Variants in NXPH1 observed in about 807,000 individuals in gnomAD.
NXPH1 encodes the protein neurexophilin-1.
A neutral mutation model predicts 23.7 loss-of-function variants in NXPH1; 5 were observed. That is an observed-to-expected ratio of 0.21 (90% CI 0.11 to 0.44). The LOEUF (loss-of-function observed/expected upper bound fraction) is 0.44. Ranked by LOEUF, NXPH1 falls within the 20% of genes least tolerant of loss-of-function variation. NXPH1 has a pLI of 0.99. For missense variants in NXPH1, 324 were observed against 321.6 expected, an observed-to-expected ratio of 1.01 and a Z score of -0.06; for synonymous variants, 144 against 122.2, an observed-to-expected ratio of 1.18 and a Z score of -1.18.
chr7:8,592,741 A>G (rs1819125342), intron 2 of NXPH1, among the ~76,000 whole-genome samples: 1 of 152,036 alleles, frequency 6.6e-6, no homozygotes, highest in South Asian at 2.1e-4. Flanking sequence ...ATGTTAATAA[A>G]TAGGTGTGGC....
chr7:8,735,575 C>A (rs940087759), intron 2 of NXPH1, among the ~76,000 whole-genome samples: 1 of 152,146 alleles, frequency 6.6e-6, no homozygotes, highest in Non-Finnish European at 1.5e-5. Flanking sequence ...TGATGTTCAT[C>A]AGGGATATTG....
chr7:8,513,813 T>C (rs1317282187), intron 2 of NXPH1, among the ~76,000 whole-genome samples: 1 of 152,072 alleles, frequency 6.6e-6, no homozygotes, highest in Non-Finnish European at 1.5e-5. Flanking sequence ...ATTCGTTTTC[T>C]AGGGCTGCCG....
chr7:8,727,518 G>A (rs1780076994), intron 2 of NXPH1, among the ~76,000 whole-genome samples: 1 of 151,300 alleles, frequency 6.6e-6, no homozygotes, highest in Admixed American at 6.6e-5. Flanking sequence ...TTTTGTATAA[G>A]GTGTAAGGAA....
intron 2 of NXPH1, among the ~76,000 whole-genome samples, chr7:8,659,515 A>G (rs1820636180): frequency 6.6e-6 from 1 of 152,154 alleles, no homozygotes; most frequent in African/African-American, 2.4e-5. Flanking sequence ...TCTCACTCAT[A>G]GGTGGGAATT....
intron 2 of NXPH1, among the ~76,000 whole-genome samples, chr7:8,559,972 G>A (rs572418421): frequency 5.9e-5 from 9 of 151,764 alleles, no homozygotes; most frequent in South Asian, 2.1e-4. Flanking sequence ...CCATGAAGTC[G>A]GGAGAGAAGA....
intron 2 of NXPH1, among the ~76,000 whole-genome samples, chr7:8,694,877 A>G (rs1054412248): frequency 3.2e-4 from 49 of 152,222 alleles, no homozygotes; most frequent in African/African-American, 1.1e-3. Context: ...TAACTGTTAA[A>G]TTAAGTTTAA....
intron 2 of NXPH1, among the ~76,000 whole-genome samples, chr7:8,703,327 T>G (rs895011067): frequency 6.6e-6 from 1 of 152,098 alleles, no homozygotes; most frequent in Non-Finnish European, 1.5e-5. Context: ...ACTTTAGTGT[T>G]CCATTCATGC....
Position 8,454,102 on chromosome 7 carries a change from GGA to G in NXPH1, c.54+18337_54+18338del, listed in dbSNP as rs1491311119. On this transcript the variant is annotated intron_variant, in intron 2 of 2. Coordinates refer to ENST00000405863, the MANE Select transcript of NXPH1 (RefSeq NM_152745.3). ...TGGGGCCTTTTGGAGGGTGGAGTGG[GGA>G]GGAGAGAGAGGATCAGGAAAACTAA... Among the ~76,000 whole-genome samples the G allele has an allele frequency of 2.0e-5, 3 of 151,752 alleles. No homozygotes were observed. The East Asian group carries it at 5.8e-4, about 29-fold the overall frequency.
chr7:8,745,719 AT>A (rs56019801), intron 2 of NXPH1, among the ~76,000 whole-genome samples: 6,065 of 111,736 alleles, frequency 0.054, 175 homozygotes, highest in East Asian at 0.15. Flanking sequence ...CGCCCAGCTA[AT>A]TTTTTTTTTT....
intron 2 of NXPH1, among the ~76,000 whole-genome samples, chr7:8,734,510 G>T (rs912953685): frequency 1.3e-5 from 2 of 152,178 alleles, no homozygotes; most frequent in African/African-American, 4.8e-5. Context: ...CCATGAGCAT[G>T]GAATGTTTTT....
At chr7:8,723,933 A>G (rs921992022) in intron 2 of NXPH1, among the ~76,000 whole-genome samples, 3 of 152,258 alleles carry the variant, frequency 2.0e-5, no homozygotes, top group African/African-American at 7.2e-5. Flanking sequence ...AGCTAGAGAC[A>G]TAGACACATG....
At chr7:8,713,414 A>T (rs925357198) in intron 2 of NXPH1, among the ~76,000 whole-genome samples, 1 of 152,136 alleles carries the variant, frequency 6.6e-6, no homozygotes, top group Non-Finnish European at 1.5e-5. Context: ...TCTTTGTGAA[A>T]GGTCACATAT....
intron 2 of NXPH1, among the ~76,000 whole-genome samples, chr7:8,720,406 G>T: frequency 6.6e-6 from 1 of 152,134 alleles, no homozygotes; most frequent in East Asian, 1.9e-4. Context: ...ATCACAGGCA[G>T]ATCTGTGGGG....
chr7:8,492,702 G>A (rs1011345736), intron 2 of NXPH1, among the ~76,000 whole-genome samples: 9 of 152,118 alleles, frequency 5.9e-5, no homozygotes, highest in South Asian at 2.1e-4. Flanking sequence ...TCATGCCTGA[G>A]AGTGGAAAGC....
chr7:8,483,357 G>T (rs530581155), intron 2 of NXPH1, among the ~76,000 whole-genome samples: 1 of 152,082 alleles, frequency 6.6e-6, no homozygotes, highest in African/African-American at 2.4e-5. Flanking sequence ...AAAAGACAGG[G>T]TATTGTTCAG....
At chr7:8,550,640 G>T (rs1233435895) in intron 2 of NXPH1, among the ~76,000 whole-genome samples, 2 of 151,438 alleles carry the variant, frequency 1.3e-5, no homozygotes, top group Non-Finnish European at 3.0e-5. Context: ...AACTCAGAGA[G>T]GAAATGGGAA....
chr7:8,629,247 G>A (rs10085501), intron 2 of NXPH1, among the ~76,000 whole-genome samples: 41,863 of 151,834 alleles, frequency 0.28, 6,238 homozygotes, highest in African/African-American at 0.35. Flanking sequence ...TGTTTTTTAA[G>A]CATTCCCTTT....
chr7:8,522,199 A>T (rs919839600), intron 2 of NXPH1, among the ~76,000 whole-genome samples: 4 of 152,210 alleles, frequency 2.6e-5, no homozygotes, highest in Admixed American at 6.5e-5. Flanking sequence ...ACAATTGAAC[A>T]AAGACCATAA....
chr7:8,489,934 A>G (rs937482229), intron 2 of NXPH1, among the ~76,000 whole-genome samples: 2 of 152,036 alleles, frequency 1.3e-5, no homozygotes, highest in Non-Finnish European at 2.9e-5. Context: ...TCTTGATTTA[A>G]TTAAGCCAAA....
Sources: allele counts gnomAD v4.1 joint callset (sites outside exome capture counted in the v4.1 genomes callset), GRCh38; gene constraint gnomAD v4.1.1; transcripts MANE v1.5; gene names NCBI Gene and HGNC (gene_info 2026-07-23, HGNC 2026-07-21).